The following RSPRY1 variants were observed in gnomAD, a reference collection of about 807,000 sequenced individuals.
RSPRY1 encodes ring finger and SPRY domain containing 1.
RSPRY1 carries 23 observed loss-of-function variants against 73.1 expected under a neutral mutation model. The observed-to-expected ratio is 0.31, with a 90% CI of 0.23 to 0.45. The LOEUF (loss-of-function observed/expected upper bound fraction) is 0.45, where lower values mean the gene tolerates loss of function less well. RSPRY1 is among the 20% of genes least tolerant of loss of function. The pLI, the probability that RSPRY1 is intolerant of heterozygous loss-of-function variation, is 1.00. For synonymous variants in RSPRY1, 226 were observed against 251.4 expected (o/e 0.90, Z 0.95); for missense variants, 448 against 698.7 (o/e 0.64, Z 4.05).
intron 1 of RSPRY1, chr16:57,186,938 A>C (rs958527537): frequency 1.3e-5 from 2 of 152,222 alleles, no homozygotes; most frequent in African/African-American, 4.8e-5. Context: ...CGGATGAGGC[A>C]TACCTCCCCG....
intron 10 of RSPRY1, among the ~76,000 whole-genome samples, chr16:57,224,263 G>A (rs1426772656): frequency 6.6e-6 from 1 of 152,198 alleles, no homozygotes; most frequent in East Asian, 1.9e-4. Flanking sequence ...CATACTGAGT[G>A]TTTGATGGGA....
At chr16:57,188,042 CT>C (rs2074280261) in intron 1 of RSPRY1, among the ~76,000 whole-genome samples, 1 of 152,180 alleles carries the variant, frequency 6.6e-6, no homozygotes, top group Admixed American at 6.5e-5. Context: ...GAATATCATA[CT>C]TTCTCCCTCA....
intron 1 of RSPRY1, among the ~76,000 whole-genome samples, chr16:57,199,895 GTT>G (rs61132783): frequency 1.5e-4 from 16 of 106,280 alleles, no homozygotes; most frequent in East Asian, 5.3e-4. Flanking sequence ...TTTTTTGTTT[GTT>G]TTTTTTTTTC....
At chr16:57,216,069 A>ATTTTTTTTTTTT (rs11391063) in intron 6 of RSPRY1, 38 bp from the exon 7 acceptor site, 5 of 1,200,302 alleles carry the variant, frequency 4.2e-6, no homozygotes, top group Non-Finnish European at 5.8e-6. Flanking sequence ...CAGGGGAATG[A>ATTTTTTTTTTTT]TTTTTTTTTT....
intron 8 of RSPRY1, among the ~76,000 whole-genome samples, chr16:57,218,483 C>A (rs529190427): frequency 3.3e-5 from 5 of 152,134 alleles, no homozygotes; most frequent in Non-Finnish European, 5.9e-5. Flanking sequence ...ATTTCTCCCC[C>A]ACCCCCACTA....
intron 8 of RSPRY1, 150 bp from the exon 9 acceptor site, chr16:57,220,582 T>C (rs2075018590): frequency 2.1e-6 from 1 of 472,394 alleles, no homozygotes; most frequent in Non-Finnish European, 3.8e-6. Flanking sequence ...TAAGATCATA[T>C]TATCCACAAA....
At chr16:57,201,976 G>T (rs1168011704) in intron 1 of RSPRY1, among the ~76,000 whole-genome samples, 1 of 151,838 alleles carries the variant, frequency 6.6e-6, no homozygotes, top group African/African-American at 2.4e-5. Flanking sequence ...AGAGGGAGAG[G>T]AGGGAGAGGG....
chr16:57,189,727 G>A (rs2074320423), intron 1 of RSPRY1, among the ~76,000 whole-genome samples: 1 of 151,488 alleles, frequency 6.6e-6, no homozygotes, highest in Non-Finnish European at 1.5e-5. Context: ...AAGTAACTGG[G>A]ACTACAGGTG....
chr16:57,204,810 G>T lies in RSPRY1; in HGVS notation c.152G>T (p.Gly51Val). ...TCCTGTATCTGCCGAGATGACAGTG[G>T]AACAGATGACAGTGTTGACACCCAA... Reference protein sequence around the residue: ...GNSCICRDDSGTDDSVDTQQQ... With the variant: ...GNSCICRDDSVTDDSVDTQQQ... The change falls in exon 2 of 15, where the codon GGA becomes GTA. Residue 51 changes from glycine to valine, a missense_variant. By Grantham distance (109) the Gly-to-Val change is moderately radical (BLOSUM62 -3). Transcript: ENST00000394420. 1 of 1,614,168 alleles carries T rather than the reference G, an allele frequency of 6.2e-7. No individual in the cohort carries two copies. The highest frequency in any genetic ancestry group is 8.5e-7 in the Non-Finnish European group (1 of 1,180,038).
At chr16:57,190,273 G>A (rs954839507) in intron 1 of RSPRY1, among the ~76,000 whole-genome samples, 10 of 152,172 alleles carry the variant, frequency 6.6e-5, no homozygotes, top group Non-Finnish European at 2.9e-5. Context: ...GGAGGCTGAG[G>A]TGGTAGAATC....
At chr16:57,191,908 G>C (rs1447256747) in intron 1 of RSPRY1, among the ~76,000 whole-genome samples, 1 of 152,156 alleles carries the variant, frequency 6.6e-6, no homozygotes, top group Non-Finnish European at 1.5e-5. Context: ...TAGTCTTTGG[G>C]TAGGGAGCTA....
In RSPRY1 at chr16:57,239,012, A is replaced by G; in HGVS notation, c.*37A>G. The G allele has an allele frequency of 3.6e-6, 4 of 1,106,826 alleles. No individual in the cohort carries two copies. Among genetic ancestry groups the G allele is most frequent in the Non-Finnish European group, 5.4e-6 (4 of 743,404 alleles). 68.6% of individuals were successfully genotyped at this position (1,106,826 alleles called of 1,614,324 possible). A position where few individuals can be genotyped will look rare whatever the true frequency, so the allele number is the denominator to read the frequency against. On this transcript the variant is annotated 3_prime_UTR_variant, in exon 15 of 15. Coordinates refer to ENST00000394420, the MANE Select transcript of RSPRY1 (RefSeq NM_133368.3). Reference sequence around the variant, plus strand: ...AGGCATCGTGGACTTTTTTCTACTCAATTCCAGCCAATGTTGAAAAGAAAA... The same window carrying G: ...AGGCATCGTGGACTTTTTTCTACTCGATTCCAGCCAATGTTGAAAAGAAAA...
chr16:57,190,648 G>A (rs1444851273), intron 1 of RSPRY1, among the ~76,000 whole-genome samples: 2 of 152,196 alleles, frequency 1.3e-5, no homozygotes, highest in Non-Finnish European at 2.9e-5. Context: ...AGTAGTAAAT[G>A]CCGTAACTTG....
At chr16:57,231,138 A>T (rs370996229) in intron 12 of RSPRY1, 29 bp from the exon 13 acceptor site, 13 of 1,595,498 alleles carry the variant, frequency 8.1e-6, no homozygotes, top group Admixed American at 1.8e-5. Flanking sequence ...TATTAATTCT[A>T]TTGGCCTCTG....
intron 6 of RSPRY1, among the ~76,000 whole-genome samples, chr16:57,215,572 GTTCAC>G: frequency 6.6e-6 from 1 of 152,286 alleles, no homozygotes; most frequent in South Asian, 2.1e-4. Flanking sequence ...AACTAAAAGA[GTTCAC>G]TTGTTGCTTT....
intron 10 of RSPRY1, among the ~76,000 whole-genome samples, chr16:57,225,162 G>A (rs1283756109): frequency 6.6e-6 from 1 of 152,236 alleles, no homozygotes; most frequent in Non-Finnish European, 1.5e-5. Context: ...CCAGGTTCAG[G>A]CGATTCTTGT....
chr16:57,217,010 T>C lies in RSPRY1; in HGVS notation c.876T>C (p.Cys292=). 1 of 1,614,230 alleles carries C rather than the reference T, an allele frequency of 6.2e-7. No individual in the cohort carries two copies. The highest frequency in any genetic ancestry group is 8.5e-7 in the Non-Finnish European group (1 of 1,180,034). The part of the protein sequence containing the change: ...PDYLKRQVGF[C]AQWSLDNLFL... ...ATCTGAAACGTCAAGTTGGTTTCTG[T>C]GCCCAGTGGAGCTTAGACAATCTCT... The change falls in exon 8 of 15, where the codon TGT becomes TGC. Residue 292 remains cysteine (C), a synonymous_variant. Transcript: ENST00000394420.
chr16:57,220,983 A>C, intron 9 of RSPRY1, 136 bp downstream of exon 9: 2 of 690,792 alleles, frequency 2.9e-6, no homozygotes, highest in Non-Finnish European at 4.9e-6. Flanking sequence ...TTCAGGGGGA[A>C]GTCTCAAAGA....
At position 57,220,815 on chromosome 16, in the gene RSPRY1, G is replaced by A; in HGVS notation, c.985G>A (p.Glu329Lys). 2 of 1,613,570 alleles carry A rather than the reference G, an allele frequency of 1.2e-6. No homozygotes were observed. Among genetic ancestry groups the A allele is most frequent in the Non-Finnish European group, 1.7e-6 (2 of 1,179,478 alleles). ...RAMLNSNDVS[E>K]YLKISPHGLE... is the part of the protein sequence containing the mutation. ...CATGCTGAATAGCAATGATGTCAGC[G>A]AGTACCTGAAGATCTCACCTCATGG... Residue 329 changes from glutamate (E) to lysine (K), a missense_variant, in exon 9 of 15, where the codon GAG (glutamate) becomes AAG (lysine). Coordinates refer to ENST00000394420, the MANE Select transcript of RSPRY1 (RefSeq NM_133368.3).
Sources: allele counts gnomAD v4.1 joint callset (sites outside exome capture counted in the v4.1 genomes callset), GRCh38; gene constraint gnomAD v4.1.1; transcripts MANE v1.5; gene names NCBI Gene and HGNC (gene_info 2026-07-23, HGNC 2026-07-21).